FAM117B: variants seen among roughly 807,000 people sequenced by gnomAD.
FAM117B encodes family with sequence similarity 117 member B.
FAM117B carries 22 observed loss-of-function variants against 52.8 expected under a neutral mutation model. That is an observed-to-expected ratio of 0.42 (90% confidence interval 0.30 to 0.59). The LOEUF (loss-of-function observed/expected upper bound fraction) is 0.59, where lower values mean the gene tolerates loss of function less well. Ranked by LOEUF, FAM117B falls within the 20% of genes least tolerant of loss-of-function variation. The pLI, the probability that FAM117B is intolerant of heterozygous loss-of-function variation, is 0.22. For synonymous variants in FAM117B, 309 were observed against 324.1 expected (o/e 0.95, Z 0.50); for missense variants, 678 against 802.6 (o/e 0.84, Z 1.88).
rs10183440 is a variant in FAM117B at position 202,704,365 on chromosome 2, A to G, written c.753+8333A>G. 3.5e-3 allele frequency among the ~76,000 whole-genome samples: 530 copies of G among 152,294 alleles called. 6 individuals carry two copies. Among genetic ancestry groups the G allele is most frequent in the East Asian group, 0.01 (54 of 5,192 alleles). On this transcript the variant is annotated intron_variant, in intron 2 of 7. Transcript: ENST00000392238. Reference sequence around the variant, plus strand: ...CCCCTAAGGAATTTGATCTATTGCTATTGCCTTCCTGGAGCATCCTGTTGA... The same window carrying G: ...CCCCTAAGGAATTTGATCTATTGCTGTTGCCTTCCTGGAGCATCCTGTTGA...
At chr2:202,701,921 T>C in intron 2 of FAM117B, among the ~76,000 whole-genome samples, 1 of 152,330 alleles carries the variant, frequency 6.6e-6, no homozygotes, top group Non-Finnish European at 1.5e-5. Context: ...ATTAAGAATA[T>C]TACATAAACT....
intron 2 of FAM117B, among the ~76,000 whole-genome samples, chr2:202,709,773 G>C (rs1690931309): frequency 6.6e-6 from 1 of 152,022 alleles, no homozygotes; most frequent in Non-Finnish European, 1.5e-5. Flanking sequence ...GAGTTTTATA[G>C]TTTGTGTCTT....
intron 2 of FAM117B, among the ~76,000 whole-genome samples, chr2:202,716,172 A>G (rs1325378251): frequency 2.6e-5 from 4 of 152,144 alleles, no homozygotes; most frequent in Non-Finnish European, 4.4e-5. Flanking sequence ...TTTTGTCTTC[A>G]AATCTGTGTT....
At chr2:202,642,606 A>G (rs549169734) in intron 1 of FAM117B, among the ~76,000 whole-genome samples, 2 of 152,202 alleles carry the variant, frequency 1.3e-5, no homozygotes, top group South Asian at 4.1e-4. Flanking sequence ...TTGTGGATGT[A>G]TTTGGTTTGT....
rs767906018 is a variant in FAM117B at position 202,765,784 on chromosome 2, G to T, written c.*20G>T. 4.4e-6 allele frequency: 7 copies of T among 1,606,388 alleles called. No individual in the cohort carries two copies. In the Admixed American group the frequency reaches 5.0e-5, roughly 12 times the overall value. ...GGATAGGTCACAGTGCAACGTGGCT[G>T]TTGTTCTGGGAAATTGGGAACCTCC... is the stretch of plus-strand genomic sequence containing the variant. On this transcript the variant is annotated 3_prime_UTR_variant, in exon 8 of 8. Transcript: ENST00000392238.
At chr2:202,715,407 G>A (rs1351174336) in intron 2 of FAM117B, among the ~76,000 whole-genome samples, 11 of 150,296 alleles carry the variant, frequency 7.3e-5, no homozygotes, top group African/African-American at 2.7e-4. Flanking sequence ...TTCTCAGACG[G>A]GGCGGCCGGG....
intron 4 of FAM117B, 23 bp from the exon 5 acceptor site, chr2:202,755,515 C>T (rs749560177): frequency 4.3e-6 from 7 of 1,611,810 alleles, no homozygotes; most frequent in Non-Finnish European, 5.9e-6. Flanking sequence ...TTAAGCCTCT[C>T]TTCTCCATCC....
chr2:202,698,219 A>T (rs941551303), intron 2 of FAM117B, among the ~76,000 whole-genome samples: 2 of 152,116 alleles, frequency 1.3e-5, no homozygotes, highest in African/African-American at 4.8e-5. Flanking sequence ...ATGGTTTTGG[A>T]TTTGTATATT....
In FAM117B at chr2:202,707,961, G is replaced by C. The variant is rs1690899533; in HGVS notation, c.753+11929G>C. Among the ~76,000 whole-genome samples the C allele has an allele frequency of 3.3e-5, 5 of 151,928 alleles. No individual in the cohort carries two copies. The South Asian group carries it at 1.0e-3, about 32-fold the overall frequency. ...TTTTTGTATTTTTGGTAGAGATGGG[G>C]GTTTCACCATGTTGGCCAGGCTGGT... On this transcript the variant is annotated intron_variant, in intron 2 of 7. Transcript: ENST00000392238.
Position 202,766,019 on chromosome 2 carries a change from G to A in FAM117B, c.*255G>A. ...AAAGGTCTCATTCTTTACCTTTGGA[G>A]AGACAATATCACGTTTTTGTTTTCG... On this transcript the variant is annotated 3_prime_UTR_variant, in exon 8 of 8. Coordinates refer to ENST00000392238, the MANE Select transcript of FAM117B (RefSeq NM_173511.4). 1 of 469,508 alleles carries A rather than the reference G, an allele frequency of 2.1e-6. No individual in the cohort carries two copies. The highest frequency in any genetic ancestry group is 3.8e-6 in the Non-Finnish European group (1 of 261,784). The allele number at this position is 469,508 out of a possible 1,614,324, so 29.1% of individuals were successfully genotyped here.
In FAM117B at chr2:202,757,174, A is replaced by T. The variant is rs771265236; in HGVS notation, c.1105-39A>T. ...GGTTCATTGCTGGTGATTCGAAATT[A>T]ATTATAAATATACCTATGTTTTTAC... On this transcript the variant is annotated intron_variant, in intron 5 of 7. Transcript: ENST00000392238. 6 of 1,579,786 alleles carry T rather than the reference A, an allele frequency of 3.8e-6. 1 individual carries two copies. In the South Asian group the frequency reaches 6.8e-5, roughly 18 times the overall value.
At chr2:202,689,840 C>A (rs1453588372) in intron 1 of FAM117B, among the ~76,000 whole-genome samples, 2 of 151,996 alleles carry the variant, frequency 1.3e-5, no homozygotes, top group Non-Finnish European at 2.9e-5. Flanking sequence ...ATCTCTTGAG[C>A]CCAGGATGGT....
chr2:202,695,980 C>A lies in FAM117B; in HGVS notation c.701C>A (p.Pro234His), dbSNP rs1170471107. 1 of 1,614,140 alleles carries A rather than the reference C, an allele frequency of 6.2e-7. No homozygotes were observed. Among genetic ancestry groups the A allele is most frequent in the African/African-American group, 1.3e-5 (1 of 75,036 alleles). ...LAAPYLAGHW[P>H]RDSHGQAAPC... Reference sequence around the variant, plus strand: ...GCACCGTATCTTGCTGGACACTGGCCTCGGGATAGCCATGGGCAAGCTGCA... The same window carrying A: ...GCACCGTATCTTGCTGGACACTGGCATCGGGATAGCCATGGGCAAGCTGCA... The change falls in exon 2 of 8, where the codon CCT becomes CAT. Residue 234 changes from proline to histidine, a missense_variant. By Grantham distance (77) the Pro-to-His change is moderately conservative (BLOSUM62 -2). Coordinates refer to ENST00000392238, the MANE Select transcript of FAM117B (RefSeq NM_173511.4).
At chr2:202,753,767 C>T (rs1171563421) in intron 4 of FAM117B, among the ~76,000 whole-genome samples, 1 of 148,268 alleles carries the variant, frequency 6.7e-6, no homozygotes, top group African/African-American at 2.5e-5. Context: ...AAAAAAAAAA[C>T]ATGAAAAACT....
chr2:202,668,474 G>A (rs1449229162), intron 1 of FAM117B, among the ~76,000 whole-genome samples: 10 of 139,992 alleles, frequency 7.1e-5, no homozygotes, highest in African/African-American at 2.7e-4. Flanking sequence ...GTTGCAGTGA[G>A]CTGAGATCAC....
intron 4 of FAM117B, among the ~76,000 whole-genome samples, chr2:202,731,412 TTTTATTTATTTTTATTTTATTTTA>T (rs1460073461): frequency 1.5e-5 from 2 of 135,224 alleles, no homozygotes; most frequent in Non-Finnish European, 3.2e-5. Flanking sequence ...ATATATAAAC[TTTTATTTATTTTTATTTTATTTTA>T]TTTATTTATT....
At chr2:202,730,226 T>C (rs1691317965) in intron 4 of FAM117B, among the ~76,000 whole-genome samples, 1 of 152,150 alleles carries the variant, frequency 6.6e-6, no homozygotes, top group Non-Finnish European at 1.5e-5. Flanking sequence ...TCAGGTATAT[T>C]GTTTAAGGTC....
intron 1 of FAM117B, among the ~76,000 whole-genome samples, chr2:202,677,405 GA>G (rs1233950144): frequency 6.6e-6 from 1 of 152,174 alleles, no homozygotes; most frequent in African/African-American, 2.4e-5. Flanking sequence ...GCTGCCACTG[GA>G]TTTCTTCTTG....
Position 202,635,059 on chromosome 2 carries a change from T to C in FAM117B, c.-129T>C. On this transcript the variant is annotated 5_prime_UTR_variant, in exon 1 of 8. Coordinates refer to ENST00000392238, the MANE Select transcript of FAM117B (RefSeq NM_173511.4). ...TGCCTGCCCCGGCCCGGTCTCCCCC[T>C]GCACCCCGGAGTCCGGCTTCGTCAC... is the stretch of plus-strand genomic sequence containing the variant. 1 of 1,164,332 alleles carries C rather than the reference T, an allele frequency of 8.6e-7. No individual in the cohort carries two copies. Among genetic ancestry groups the C allele is most frequent in the Non-Finnish European group, 1.1e-6 (1 of 929,176 alleles). The allele number at this position is 1,164,332 out of a possible 1,614,324, so 72.1% of individuals were successfully genotyped here. A position where few individuals can be genotyped will look rare whatever the true frequency, so the allele number is the denominator to read the frequency against.
Sources: gnomAD v4.1 joint callset for allele counts (sites outside exome capture counted in the v4.1 genomes callset) on GRCh38, gnomAD v4.1.1 for gene constraint, MANE v1.5 for transcripts, NCBI Gene and HGNC (gene_info 2026-07-23, HGNC 2026-07-21) for gene names.